Variants in PCDH15 observed in about 807,000 individuals in gnomAD.
PCDH15 encodes the protein protocadherin related 15, also known as protocadherin-15.
PCDH15 carries 129 observed loss-of-function variants against 178.5 expected under a neutral mutation model. The ratio of observed to expected loss-of-function variants is 0.72; its 90% CI spans 0.63 to 0.84. The LOEUF (loss-of-function observed/expected upper bound fraction) is 0.84, where lower values mean the gene tolerates loss of function less well. PCDH15 is among the 40% of genes least tolerant of loss of function. PCDH15 has a pLI of 0.00. For missense variants in PCDH15, 2,230 were observed against 2,099.9 expected, an observed-to-expected ratio of 1.06 and a Z score of -1.21; for synonymous variants, 800 against 732.0, an observed-to-expected ratio of 1.09 and a Z score of -1.50.
chr10:54,467,342 TTTG>T (rs2077587192), intron 3 of PCDH15, among the ~76,000 whole-genome samples: 1 of 151,840 alleles, frequency 6.6e-6, no homozygotes, highest in Non-Finnish European at 1.5e-5. Context: ...CTATGCCTAA[TTTG>T]TTGAGTTTTT....
chr10:55,455,762 C>G (rs1375308327), intron 2 of PCDH15, among the ~76,000 whole-genome samples: 1 of 151,970 alleles, frequency 6.6e-6, no homozygotes, highest in Non-Finnish European at 1.5e-5. Flanking sequence ...TCCTCAATTT[C>G]AAATTAATCT....
At chr10:54,030,800 C>A (rs534327553) in intron 18 of PCDH15, among the ~76,000 whole-genome samples, 1 of 151,896 alleles carries the variant, frequency 6.6e-6, no homozygotes, top group Non-Finnish European at 1.5e-5. Context: ...GTGTTTTAGT[C>A]AAAGGAGTCT....
intron 3 of PCDH15, among the ~76,000 whole-genome samples, chr10:54,524,122 A>G (rs2083149371): frequency 6.6e-6 from 1 of 152,242 alleles, no homozygotes; most frequent in African/African-American, 2.4e-5. Context: ...AAAAAATTAT[A>G]CAATCTAAAT....
chr10:53,895,406 C>A (rs56128987), intron 26 of PCDH15, among the ~76,000 whole-genome samples: 12,770 of 152,106 alleles, frequency 0.084, 1,522 homozygotes, highest in African/African-American at 0.26. Context: ...ATATTATTTT[C>A]TTTTAGTCCA....
intron 25 of PCDH15, among the ~76,000 whole-genome samples, chr10:53,914,105 C>T (rs1469647352): frequency 6.6e-6 from 1 of 152,144 alleles, no homozygotes; most frequent in Admixed American, 6.5e-5. Flanking sequence ...ATTAAAAAGT[C>T]AGGAAACAAC....
In PCDH15 at chr10:54,547,611, A is replaced by G. The variant is rs531647730; in HGVS notation, c.92-19734T>C. 2.7e-4 allele frequency among the ~76,000 whole-genome samples: 41 copies of G among 152,248 alleles called. No individual in the cohort carries two copies. In the South Asian group the frequency reaches 3.5e-3, roughly 13 times the overall value. ...TAGGTTAATCCATACTGATGTATAT[A>G]CCTTTAGGGAAATAATGCTGTAAAG... is the stretch of plus-strand genomic sequence containing the variant. On this transcript the variant is annotated intron_variant, in intron 2 of 37. Transcript: ENST00000644397.
intron 28 of PCDH15, among the ~76,000 whole-genome samples, chr10:53,841,920 G>T (rs1196889086): frequency 7.3e-6 from 1 of 136,306 alleles, no homozygotes. Context: ...CAGCCTGGGC[G>T]ACAGAGCAAG....
chr10:54,811,171 CA>C (rs1952857248), intron 3 of PCDH15, among the ~76,000 whole-genome samples: 1 of 151,808 alleles, frequency 6.6e-6, no homozygotes, highest in African/African-American at 2.4e-5. Flanking sequence ...ATGACAAGTG[CA>C]ATGTCATCTT....
At chr10:54,073,363 T>C (rs1047135401) in intron 17 of PCDH15, among the ~76,000 whole-genome samples, 1 of 151,922 alleles carries the variant, frequency 6.6e-6, no homozygotes, top group African/African-American at 2.4e-5. Context: ...TCTATAACCA[T>C]ACGTATTGTG....
chr10:54,766,544 G>A (rs868415983), intron 1 of PCDH15, among the ~76,000 whole-genome samples: 273 of 143,006 alleles, frequency 1.9e-3, no homozygotes, highest in South Asian at 4.6e-3. Flanking sequence ...ATTGATACAA[G>A]AAAAAAAAAA....
In PCDH15 at chr10:54,765,265, C is replaced by A. The variant is rs150359166; in HGVS notation, c.-29+35660G>T. ...TAACTTTACTCTGTTGAGCTAAATA[C>A]CTTTTTAGCAAAAAATAGAATGTAT... On this transcript the variant is annotated intron_variant, in intron 1 of 37. Coordinates refer to ENST00000644397, the MANE Select transcript of PCDH15 (RefSeq NM_001384140.1). 6.6e-3 allele frequency among the ~76,000 whole-genome samples: 1,000 copies of A among 152,146 alleles called. 12 individuals are homozygous for A. Among genetic ancestry groups the A allele is most frequent in the African/African-American group, 0.017 (722 of 41,502 alleles).
intron 28 of PCDH15, among the ~76,000 whole-genome samples, chr10:53,850,054 G>A (rs1259698838): frequency 6.6e-6 from 1 of 151,832 alleles, no homozygotes; most frequent in Admixed American, 6.6e-5. Flanking sequence ...CTCATATTGG[G>A]CTAAGATAAC....
intron 2 of PCDH15, among the ~76,000 whole-genome samples, chr10:55,405,283 G>GAGATATATATATATATATATATATAT (rs1838169475): frequency 9.3e-6 from 1 of 108,086 alleles, no homozygotes; most frequent in South Asian, 2.9e-4. Flanking sequence ...TGAGGTAACA[G>GAGATATATATATATATATATATATAT]ATATATATAT....
chr10:54,771,665 C>A (rs1181047145), intron 1 of PCDH15, among the ~76,000 whole-genome samples: 1 of 151,884 alleles, frequency 6.6e-6, no homozygotes, highest in African/African-American at 2.4e-5. Context: ...CCAAAAAAAA[C>A]ACCAAGCAAA....
At chr10:55,050,501 T>C (rs1358048313) in intron 2 of PCDH15, among the ~76,000 whole-genome samples, 1 of 152,060 alleles carries the variant, frequency 6.6e-6, no homozygotes, top group Non-Finnish European at 1.5e-5. Flanking sequence ...ACAAAGTACC[T>C]TGTATATAAA....
At chr10:55,264,346 G>A (rs1842226239) in intron 1 of PCDH15, among the ~76,000 whole-genome samples, 1 of 152,040 alleles carries the variant, frequency 6.6e-6, no homozygotes, top group Non-Finnish European at 1.5e-5. Context: ...CACAGAAGGA[G>A]GCCTTGCTTC....
intron 22 of PCDH15, 125 bp downstream of exon 22, chr10:53,961,627 T>G (rs1056157899): frequency 2.8e-5 from 18 of 635,888 alleles, no homozygotes; most frequent in Non-Finnish European, 4.7e-6. Context: ...GAAAAAAAAA[T>G]TGTAATTTAA....
intron 13 of PCDH15, among the ~76,000 whole-genome samples, chr10:54,167,183 C>T (rs922284469): frequency 1.3e-5 from 2 of 152,142 alleles, no homozygotes; most frequent in African/African-American, 4.8e-5. Flanking sequence ...ATCCCCTGTC[C>T]TCCTGTTCTT....
intron 3 of PCDH15, among the ~76,000 whole-genome samples, chr10:54,414,976 T>G (rs142653035): frequency 6.6e-6 from 1 of 152,162 alleles, no homozygotes; most frequent in African/African-American, 2.4e-5. Context: ...TGGTAAGTAT[T>G]TGCATCAATT....
Sources: allele counts gnomAD v4.1 joint callset (sites outside exome capture counted in the v4.1 genomes callset), GRCh38; gene constraint gnomAD v4.1.1; transcripts MANE v1.5; gene names NCBI Gene and HGNC (gene_info 2026-07-23, HGNC 2026-07-21).